The following HUNK variants were observed in gnomAD, a reference collection of about 807,000 sequenced individuals.
HUNK encodes hormonally up-regulated Neu-associated kinase, also known as hormonally up-regulated neu tumor-associated kinase.
Under a neutral mutation model 61.0 loss-of-function variants are expected in HUNK, and 21 were observed. That is an observed-to-expected ratio of 0.34 (90% CI 0.24 to 0.50). HUNK has a LOEUF of 0.50. HUNK is among the 20% of genes least tolerant of loss of function. The pLI is 0.98. For synonymous variants in HUNK, 371 were observed against 386.1 expected (o/e 0.96, Z 0.46); for missense variants, 772 against 945.7 (o/e 0.82, Z 2.41).
chr21:31,958,692 C>A, intron 4 of HUNK, 151 bp from the exon 5 acceptor site: 1 of 681,420 alleles, frequency 1.5e-6, no homozygotes, highest in South Asian at 2.5e-5. Flanking sequence ...TTCAACATGA[C>A]ACTGAGCATT....
chr21:31,964,508 G>A (rs765278415), intron 5 of HUNK, among the ~76,000 whole-genome samples: 6 of 152,218 alleles, frequency 3.9e-5, no homozygotes, highest in Non-Finnish European at 5.9e-5. Flanking sequence ...GTTGAGCAGG[G>A]TGGTACTATT....
chr21:31,952,292 C>A (rs980133666), intron 4 of HUNK, among the ~76,000 whole-genome samples: 1 of 151,876 alleles, frequency 6.6e-6, no homozygotes, highest in South Asian at 2.1e-4. Context: ...AAAGATATTG[C>A]TTTCAGGTGG....
intron 5 of HUNK, among the ~76,000 whole-genome samples, chr21:31,960,207 G>A (rs1208526394): frequency 2.6e-5 from 4 of 152,146 alleles, no homozygotes; most frequent in Non-Finnish European, 5.9e-5. Context: ...TGCTAGGTGT[G>A]TTCTAGATTA....
intron 4 of HUNK, among the ~76,000 whole-genome samples, chr21:31,955,648 T>C (rs569874587): frequency 2.0e-5 from 3 of 152,298 alleles, no homozygotes; most frequent in African/African-American, 7.2e-5. Flanking sequence ...TGGTGGAAGG[T>C]GTTCTTAGTT....
At chr21:31,968,458 C>G (rs2052983840) in intron 6 of HUNK, 73 bp downstream of exon 6, 1 of 1,562,060 alleles carries the variant, frequency 6.4e-7, no homozygotes. Flanking sequence ...CAGTTCCGGA[C>G]AGAAAGCTGT....
At position 31,873,470 on chromosome 21, in the gene HUNK, C is replaced by A. The variant is rs1300447351; in HGVS notation, c.-205C>A. On this transcript the variant is annotated 5_prime_UTR_variant, in exon 1 of 11. Coordinates refer to ENST00000270112, the MANE Select transcript of HUNK (RefSeq NM_014586.2). The surrounding 1 kb of genome is among the most constrained non-coding windows in gnomAD (Gnocchi z 6.1). ...GGGGGCGGGGTCCCCGGTCCCGCGT[C>A]CCCTGGGCAGCCGCTATTGTCTACG... 6 of 213,272 alleles carry A rather than the reference C, an allele frequency of 2.8e-5. No individual in the cohort carries two copies. The highest frequency in any genetic ancestry group is 4.0e-5 in the Non-Finnish European group (5 of 124,278). The allele number at this position is 213,272 out of a possible 1,614,324, so 13.2% of individuals were successfully genotyped here. A position where few individuals can be genotyped will look rare whatever the true frequency, so the allele number is the denominator to read the frequency against.
At chr21:31,990,685 G>A (rs1022494116) in intron 9 of HUNK, among the ~76,000 whole-genome samples, 5 of 151,856 alleles carry the variant, frequency 3.3e-5, no homozygotes, top group Non-Finnish European at 5.9e-5. Flanking sequence ...ACAGGTGCCC[G>A]CCATCACGCC....
intron 1 of HUNK, among the ~76,000 whole-genome samples, chr21:31,912,323 G>A (rs991125310): frequency 6.6e-6 from 1 of 152,142 alleles, no homozygotes; most frequent in Non-Finnish European, 1.5e-5. Flanking sequence ...GGAAAAGAAT[G>A]GGCCTGGCCT....
At chr21:31,912,660 G>C (rs1382341039) in intron 1 of HUNK, among the ~76,000 whole-genome samples, 1 of 152,112 alleles carries the variant, frequency 6.6e-6, no homozygotes, top group African/African-American at 2.4e-5. Flanking sequence ...TCCCACGTCA[G>C]CCTCTCAAGG....
At chr21:31,910,851 T>C (rs2052540998) in intron 1 of HUNK, among the ~76,000 whole-genome samples, 2 of 152,232 alleles carry the variant, frequency 1.3e-5, no homozygotes, top group Non-Finnish European at 2.9e-5. Flanking sequence ...CATATCCTCC[T>C]GTATATTTTA....
rs1285296426 is a variant in HUNK at position 31,999,589 on chromosome 21, A to C, written c.*405A>C. 1.6e-5 allele frequency: 3 copies of C among 182,768 alleles called. No homozygotes were observed. In the East Asian group the frequency reaches 4.4e-4, roughly 27 times the overall value. 11.3% of individuals were successfully genotyped at this position (182,768 alleles called of 1,614,324 possible). On this transcript the variant is annotated 3_prime_UTR_variant, in exon 11 of 11. Transcript: ENST00000270112. The stretch of plus-strand genomic sequence containing the variant: ...ACAGCAGTTGGCCACAGTTACAGGG[A>C]GAGAACAATATCACAGTCATTCATC...
intron 7 of HUNK, among the ~76,000 whole-genome samples, chr21:31,979,910 G>A (rs2053083430): frequency 6.6e-6 from 1 of 152,124 alleles, no homozygotes; most frequent in African/African-American, 2.4e-5. Context: ...CCTTTGTTGT[G>A]CAGAGCTTTT....
chr21:31,989,338 T>G (rs1411972192), intron 8 of HUNK, among the ~76,000 whole-genome samples: 2 of 152,188 alleles, frequency 1.3e-5, no homozygotes, highest in Non-Finnish European at 2.9e-5. Flanking sequence ...ATATTCACTT[T>G]GTGTCTTATT....
At chr21:31,975,282 G>C (rs1192750723) in intron 7 of HUNK, among the ~76,000 whole-genome samples, 1 of 152,168 alleles carries the variant, frequency 6.6e-6, no homozygotes. Flanking sequence ...TCCACAGCGT[G>C]GGGTGGATGG....
At chr21:31,986,465 C>T (rs990145235) in intron 8 of HUNK, among the ~76,000 whole-genome samples, 5 of 152,248 alleles carry the variant, frequency 3.3e-5, no homozygotes, top group African/African-American at 4.8e-5. Flanking sequence ...GATGGTGGCC[C>T]GCCACTCTCT....
intron 1 of HUNK, among the ~76,000 whole-genome samples, chr21:31,923,768 T>C (rs748761974): frequency 1.2e-4 from 19 of 152,090 alleles, no homozygotes; most frequent in Non-Finnish European, 2.5e-4. Context: ...GACAAGTTGA[T>C]TGTAGGGGCA....
At position 31,974,621 on chromosome 21, in the gene HUNK, C is replaced by G; in HGVS notation, c.1077C>G (p.Asn359Lys). 1 of 1,613,970 alleles carries G rather than the reference C, an allele frequency of 6.2e-7. No individual in the cohort carries two copies. Among genetic ancestry groups the G allele is most frequent in the Non-Finnish European group, 8.5e-7 (1 of 1,179,976 alleles). The part of the protein sequence containing the change: ...LHMTEKLGYK[N>K]SDVINTVLSN... ...TGACCGAGAAGCTGGGTTACAAGAA[C>G]AGCGACGTGATCAACACTGTGCTCT... Residue 359 changes from asparagine (N) to lysine (K), a missense_variant, in exon 7 of 11, where the codon AAC becomes AAG. Around this residue, in one of 2 missense-constraint regions of HUNK, gnomAD observed 359 missense variants for 501.3 expected, o/e 0.72. Coordinates refer to ENST00000270112, the MANE Select transcript of HUNK (RefSeq NM_014586.2).
chr21:31,912,632 C>T (rs1177673698), intron 1 of HUNK, among the ~76,000 whole-genome samples: 1 of 152,080 alleles, frequency 6.6e-6, no homozygotes, highest in Non-Finnish European at 1.5e-5. Flanking sequence ...GCGTCAACCT[C>T]CCAGGGTCAA....
chr21:31,947,880 G>A (rs780320570), intron 4 of HUNK, among the ~76,000 whole-genome samples: 1 of 152,194 alleles, frequency 6.6e-6, no homozygotes, highest in Non-Finnish European at 1.5e-5. Flanking sequence ...CGTGAAGGGT[G>A]TGTTGATCCG....
Sources: allele counts gnomAD v4.1 joint callset (sites outside exome capture counted in the v4.1 genomes callset), GRCh38; gene constraint gnomAD v4.1.1; regional missense constraint gnomAD v4.1.1; non-coding constraint Gnocchi (gnomAD v3.1); transcripts MANE v1.5; gene names NCBI Gene and HGNC (gene_info 2026-07-23, HGNC 2026-07-21).